CD44: variants seen among roughly 807,000 people sequenced by gnomAD.
CD44 encodes the protein CD44 antigen.
In CD44, 49 loss-of-function variants were observed where a neutral mutation model predicts 88.8. That is an observed-to-expected ratio of 0.55 (90% CI 0.44 to 0.70). CD44 has a LOEUF of 0.70. CD44 is among the 30% of genes least tolerant of loss of function. The probability of loss-of-function intolerance (pLI) is 0.00; values close to 1 mark genes in which losing one functional copy is unlikely to be tolerated. For synonymous variants in CD44, 325 were observed against 312.3 expected (o/e 1.04, Z -0.43); for missense variants, 883 against 913.8 (o/e 0.97, Z 0.43).
At chr11:35,225,004 G>A (rs754666461) in intron 17 of CD44, among the ~76,000 whole-genome samples, 1 of 152,036 alleles carries the variant, frequency 6.6e-6, no homozygotes, top group African/African-American at 2.4e-5. Flanking sequence ...ACCCAACCTC[G>A]TCCTGCTGTC....
intron 3 of CD44, among the ~76,000 whole-genome samples, chr11:35,182,805 G>C (rs1367171142): frequency 6.6e-6 from 1 of 152,142 alleles, no homozygotes. Flanking sequence ...ATTGAGTCTT[G>C]CTGAGTGAAT....
chr11:35,169,099 T>C (rs891692629), intron 1 of CD44, among the ~76,000 whole-genome samples: 3 of 152,132 alleles, frequency 2.0e-5, no homozygotes, highest in Non-Finnish European at 2.9e-5. Flanking sequence ...AGGAACCTGA[T>C]AGGTGATCTT....
chr11:35,142,815 G>T (rs1322609547), intron 1 of CD44, among the ~76,000 whole-genome samples: 1 of 152,184 alleles, frequency 6.6e-6, no homozygotes, highest in Non-Finnish European at 1.5e-5. Flanking sequence ...CTTAGTTCAT[G>T]ACAGATTCCC....
chr11:35,178,488 G>A (rs1200397399), intron 2 of CD44, among the ~76,000 whole-genome samples: 1 of 152,196 alleles, frequency 6.6e-6, no homozygotes, highest in Non-Finnish European at 1.5e-5. Flanking sequence ...CTTAGCCTCA[G>A]CCCAGGACAG....
At chr11:35,213,431 A>T (rs943254854) in intron 14 of CD44, among the ~76,000 whole-genome samples, 1 of 152,170 alleles carries the variant, frequency 6.6e-6, no homozygotes, top group Non-Finnish European at 1.5e-5. Context: ...CAAGCGGATC[A>T]CTTGAGGTCA....
At chr11:35,191,172 C>T (rs1409902136) in intron 5 of CD44, among the ~76,000 whole-genome samples, 2 of 152,132 alleles carry the variant, frequency 1.3e-5, no homozygotes, top group Non-Finnish European at 2.9e-5. Context: ...GGCAGAAATG[C>T]GCTGGCTTGT....
intron 1 of CD44, among the ~76,000 whole-genome samples, chr11:35,143,740 C>T (rs1203481125): frequency 6.6e-6 from 1 of 152,176 alleles, no homozygotes; most frequent in African/African-American, 2.4e-5. Flanking sequence ...CCTGTCTCTC[C>T]CCAGGTTTGG....
At chr11:35,144,010 A>T (rs1408736453) in intron 1 of CD44, among the ~76,000 whole-genome samples, 2 of 152,222 alleles carry the variant, frequency 1.3e-5, no homozygotes, top group East Asian at 3.8e-4. Context: ...CATGCTCATT[A>T]GTAGGTTGTG....
At chr11:35,205,904 A>G (rs1001329289) in intron 10 of CD44, 11 of 1,219,120 alleles carry the variant, frequency 9.0e-6, no homozygotes, top group South Asian at 3.0e-5. Flanking sequence ...TCCAGTTCAC[A>G]TGCTGATTGC....
intron 1 of CD44, among the ~76,000 whole-genome samples, chr11:35,152,386 A>T (rs1860492658): frequency 1.3e-5 from 2 of 152,192 alleles, no homozygotes; most frequent in South Asian, 4.1e-4. Flanking sequence ...TCTACCAGAA[A>T]TAGCCCCTGG....
At chr11:35,185,237 G>A (rs537214026) in intron 3 of CD44, among the ~76,000 whole-genome samples, 88 of 152,320 alleles carry the variant, frequency 5.8e-4, no homozygotes, top group African/African-American at 2.1e-3. Context: ...GCCTCGCCAA[G>A]GAGGTGATAC....
chr11:35,158,381 G>A (rs1942177199), intron 1 of CD44, among the ~76,000 whole-genome samples: 1 of 152,140 alleles, frequency 6.6e-6, no homozygotes, highest in Admixed American at 6.6e-5. Flanking sequence ...ATAGAGTTGG[G>A]TTCCAGTTCT....
intron 3 of CD44, among the ~76,000 whole-genome samples, chr11:35,182,040 T>C (rs1454609546): frequency 2.3e-5 from 3 of 131,380 alleles, no homozygotes; most frequent in African/African-American, 8.6e-5. Context: ...TATACACATT[T>C]ATATATATAA....
intron 15 of CD44, 166 bp downstream of exon 15, chr11:35,215,080 C>T (rs2134257079): frequency 4.8e-6 from 2 of 415,724 alleles, no homozygotes; most frequent in East Asian, 7.1e-5. Context: ...GGACCCCACC[C>T]TTAAGGTTCC....
intron 7 of CD44, chr11:35,198,475 T>C (rs1052911356): frequency 8.0e-6 from 4 of 497,274 alleles, no homozygotes; most frequent in African/African-American, 7.7e-5. Flanking sequence ...CCTGTTTTAT[T>C]TATCTATGGG....
At chr11:35,180,496 C>T in intron 3 of CD44, 89 bp downstream of exon 3, 1 of 1,390,524 alleles carries the variant, frequency 7.2e-7, no homozygotes, top group Non-Finnish European at 1.0e-6. Flanking sequence ...CATGTAGCCT[C>T]CATTTACATA....
At chr11:35,179,715 C>T (rs1298866036) in intron 2 of CD44, among the ~76,000 whole-genome samples, 1 of 152,084 alleles carries the variant, frequency 6.6e-6, no homozygotes, top group East Asian at 1.9e-4. Flanking sequence ...GGCATATAAA[C>T]AAGGCTTCAT....
rs964809499 is a variant in CD44 at position 35,231,633 on chromosome 11, C to T, written c.*2300C>T. 1.3e-5 allele frequency: 2 copies of T among 152,192 alleles called. No homozygotes were observed. The highest frequency in any genetic ancestry group is 2.9e-5 in the Non-Finnish European group (2 of 68,030). 9.4% of individuals were successfully genotyped at this position (152,192 alleles called of 1,614,324 possible). A position where few individuals can be genotyped will look rare whatever the true frequency, so the allele number is the denominator to read the frequency against. ...GGAGAGCTGGCCAAGTCTTCACAAA[C>T]CCTTGCAACATTGCCTGAAGTTTAT... is the stretch of plus-strand genomic sequence containing the variant. On this transcript the variant is annotated 3_prime_UTR_variant, in exon 18 of 18. Coordinates refer to ENST00000428726, the MANE Select transcript of CD44 (RefSeq NM_000610.4).
Position 35,195,148 on chromosome 11 carries a change from A to C in CD44, c.668-1598A>C, listed in dbSNP as rs368740795. Among the ~76,000 whole-genome samples the C allele has an allele frequency of 2.0e-5, 3 of 152,324 alleles. No homozygotes were observed. The East Asian group carries it at 5.8e-4, about 29-fold the overall frequency. The stretch of plus-strand genomic sequence containing the variant: ...TGTATTGTTACAGGAGCTTTGGGGA[A>C]AAACGATTCAAGGCCTGTAAATATG... On this transcript the variant is annotated intron_variant, in intron 5 of 17. Coordinates refer to ENST00000428726, the MANE Select transcript of CD44 (RefSeq NM_000610.4).
Sources: allele counts gnomAD v4.1 joint callset (sites outside exome capture counted in the v4.1 genomes callset), GRCh38; gene constraint gnomAD v4.1.1; transcripts MANE v1.5; gene names NCBI Gene and HGNC (gene_info 2026-07-23, HGNC 2026-07-21).